Variants in ACTR3C observed in about 807,000 individuals in gnomAD.
The protein encoded by ACTR3C is actin related protein 3C.
In ACTR3C, 18 loss-of-function variants were observed where a neutral mutation model predicts 26.3. The observed-to-expected ratio is 0.68, with a 90% CI of 0.47 to 1.01. The LOEUF (loss-of-function observed/expected upper bound fraction) is 1.01, where lower values mean the gene tolerates loss of function less well. ACTR3C is among the 50% of genes least tolerant of loss of function. The probability of loss-of-function intolerance (pLI) is 0.00; values close to 1 mark genes in which losing one functional copy is unlikely to be tolerated. For synonymous variants in ACTR3C, 55 were observed against 94.5 expected (o/e 0.58, Z 2.42); for missense variants, 184 against 250.7 (o/e 0.73, Z 1.80).
the ACTR3C span, among the ~76,000 whole-genome samples, chr7:150,182,216 T>C: frequency 6.6e-6 from 1 of 150,608 alleles, no homozygotes. Context: ...GAAAACACTA[T>C]AATCTACTAT....
At chr7:149,937,109 C>A in the ACTR3C span, among the ~76,000 whole-genome samples, 1 of 151,788 alleles carries the variant, frequency 6.6e-6, no homozygotes, top group East Asian at 1.9e-4. Context: ...TTTTAATCTG[C>A]AATATAGACA....
chr7:150,130,015 C>A, the ACTR3C span, among the ~76,000 whole-genome samples: 6 of 152,078 alleles, frequency 3.9e-5, no homozygotes, highest in African/African-American at 1.2e-4. Flanking sequence ...AGTCCAGAAA[C>A]AGACCCATTC....
At chr7:150,193,954 A>AATAT in the ACTR3C span, among the ~76,000 whole-genome samples, 1 of 146,864 alleles carries the variant, frequency 6.8e-6, no homozygotes. Flanking sequence ...GCTTTAAAAA[A>AATAT]ATATATATAT....
the ACTR3C span, among the ~76,000 whole-genome samples, chr7:149,904,782 T>A: frequency 6.6e-6 from 1 of 151,344 alleles, no homozygotes; most frequent in Admixed American, 6.6e-5. Context: ...GATCATGAGG[T>A]CAGGAGTTCC....
At chr7:150,190,509 G>A in the ACTR3C span, among the ~76,000 whole-genome samples, 1,815 of 152,152 alleles carry the variant, frequency 0.012, 35 homozygotes, top group African/African-American at 0.042. Context: ...AAATTTACAC[G>A]TGAGTCTATA....
the ACTR3C span, chr7:150,073,695 G>A: frequency 2.0e-5 from 3 of 149,428 alleles, no homozygotes; most frequent in African/African-American, 7.4e-5. Flanking sequence ...TTATGTGTTG[G>A]ATTCTGATTT....
At chr7:149,936,377 A>G in the ACTR3C span, among the ~76,000 whole-genome samples, 5 of 152,142 alleles carry the variant, frequency 3.3e-5, no homozygotes, top group Admixed American at 2.0e-4. Context: ...CCTCCAGATA[A>G]CCCAAGTGTC....
the ACTR3C span, among the ~76,000 whole-genome samples, chr7:150,190,126 T>C: frequency 6.6e-6 from 1 of 152,328 alleles, no homozygotes; most frequent in South Asian, 2.1e-4. Context: ...TGGTATTTCA[T>C]TGTGGTTGGA....
chr7:150,229,388 T>G, the ACTR3C span, among the ~76,000 whole-genome samples: 1 of 152,172 alleles, frequency 6.6e-6, no homozygotes, highest in Non-Finnish European at 1.5e-5. Flanking sequence ...GTTTTTATCA[T>G]TAATGGGTGC....
chr7:150,141,043 C>A, the ACTR3C span, among the ~76,000 whole-genome samples: 1 of 152,248 alleles, frequency 6.6e-6, no homozygotes. Context: ...CAGGGCAAGG[C>A]CCTACCTCTC....
At chr7:150,245,213 G>T (rs1832399197), downstream of ACTR3C, 1 of 152,260 alleles carries the variant, frequency 6.6e-6, no homozygotes, top group Non-Finnish European at 1.5e-5. Context: ...ACCAGAGGTT[G>T]CATAGAAGAT....
chr7:150,021,111 G>T, the ACTR3C span, among the ~76,000 whole-genome samples: 2 of 151,638 alleles, frequency 1.3e-5, no homozygotes, highest in African/African-American at 4.9e-5. Flanking sequence ...GTGAGGCACT[G>T]CACCCAGCCT....
the ACTR3C span, among the ~76,000 whole-genome samples, chr7:149,921,108 T>G: frequency 6.6e-6 from 1 of 152,230 alleles, no homozygotes; most frequent in African/African-American, 2.4e-5. Context: ...TTAATGACTC[T>G]GAATTTTTTC....
At chr7:150,042,066 ATG>A in the ACTR3C span, among the ~76,000 whole-genome samples, 3 of 88,556 alleles carry the variant, frequency 3.4e-5, no homozygotes, top group African/African-American at 1.2e-4. Flanking sequence ...CCAGGGGGGG[ATG>A]AGGGTCTGGC....
At chr7:150,183,796 C>G in the ACTR3C span, among the ~76,000 whole-genome samples, 1 of 149,544 alleles carries the variant, frequency 6.7e-6, no homozygotes, top group South Asian at 2.1e-4. Context: ...CCAAATCTCA[C>G]CTTGAGTTGT....
chr7:150,035,625 T>G, the ACTR3C span, among the ~76,000 whole-genome samples: 2 of 129,550 alleles, frequency 1.5e-5, 1 homozygote, highest in Non-Finnish European at 3.4e-5. Context: ...GTCGGAAGAT[T>G]TGAACTTTCT....
At chr7:150,129,168 G>A in the ACTR3C span, among the ~76,000 whole-genome samples, 30 of 151,798 alleles carry the variant, frequency 2.0e-4, no homozygotes, top group African/African-American at 6.5e-4. Flanking sequence ...TTCATAGAAC[G>A]CATGCAAGGA....
the ACTR3C span, among the ~76,000 whole-genome samples, chr7:150,165,207 A>G: frequency 2.6e-5 from 4 of 152,086 alleles, no homozygotes; most frequent in Non-Finnish European, 5.9e-5. Context: ...AGTCACTTAC[A>G]CTTTTCATTT....
the ACTR3C span, among the ~76,000 whole-genome samples, chr7:149,886,584 T>C: frequency 6.6e-6 from 1 of 152,012 alleles, no homozygotes; most frequent in Admixed American, 6.6e-5. Flanking sequence ...ATGCAAACAG[T>C]GGGGCTGGCA....
Sources: allele counts gnomAD v4.1 joint callset (sites outside exome capture counted in the v4.1 genomes callset), GRCh38; gene constraint gnomAD v4.1.1; transcripts MANE v1.5; gene names NCBI Gene and HGNC (gene_info 2026-07-23, HGNC 2026-07-21).